Variants in CCDC134 observed in about 807,000 individuals in gnomAD.
CCDC134 encodes the protein coiled-coil domain containing 134.
A neutral mutation model predicts 25.6 loss-of-function variants in CCDC134; 27 were observed. That is an observed-to-expected ratio of 1.05 (90% CI 0.78 to 1.45). The LOEUF (loss-of-function observed/expected upper bound fraction) is 1.45, where lower values mean the gene tolerates loss of function less well. CCDC134 is among the 40% of genes most tolerant of loss of function. The probability of loss-of-function intolerance (pLI) is 0.00; values close to 1 mark genes in which losing one functional copy is unlikely to be tolerated. For synonymous variants in CCDC134, 110 were observed against 115.0 expected (o/e 0.96, Z 0.28); for missense variants, 261 against 286.7 (o/e 0.91, Z 0.65).
rs1032358151 is a variant in CCDC134 at position 41,831,738 on chromosome 22, C to T, written c.*5915C>T. 1 of 152,192 alleles carries T rather than the reference C, an allele frequency of 6.6e-6. No individual in the cohort carries two copies. Among genetic ancestry groups the T allele is most frequent in the Non-Finnish European group, 1.5e-5 (1 of 68,030 alleles). 9.4% of individuals were successfully genotyped at this position (152,192 alleles called of 1,614,324 possible). On this transcript the variant is annotated 3_prime_UTR_variant, in exon 7 of 7. Transcript: ENST00000255784. ...TAGTTTCATCACATCCATTACCTTT[C>T]CTTGATCACTTGTACCATCATCTGT...
At chr22:41,807,658 G>A (rs1371290311) in intron 1 of CCDC134, among the ~76,000 whole-genome samples, 4 of 152,080 alleles carry the variant, frequency 2.6e-5, no homozygotes, top group African/African-American at 9.7e-5. Context: ...AGGGGAGAAA[G>A]AGGAAGGGTG....
intron 1 of CCDC134, among the ~76,000 whole-genome samples, chr22:41,807,472 G>A (rs2076573757): frequency 6.6e-6 from 1 of 151,948 alleles, no homozygotes; most frequent in Non-Finnish European, 1.5e-5. Context: ...TGAGGTGGGA[G>A]GATGGCTTGA....
chr22:41,830,601 A>G lies in CCDC134; in HGVS notation c.*4778A>G, dbSNP rs991915702. Among the ~76,000 whole-genome samples, 3 of 152,214 alleles carry G rather than the reference A, an allele frequency of 2.0e-5. No individual in the cohort carries two copies. The highest frequency in any genetic ancestry group is 2.4e-5 in the African/African-American group (1 of 41,458). On this transcript the variant is annotated 3_prime_UTR_variant, in exon 7 of 7. Coordinates refer to ENST00000255784, the MANE Select transcript of CCDC134 (RefSeq NM_024821.5). ...GTGTCTTTCAGGGTGAGACTGGTGT[A>G]TTCTATACCAGCCTCCCTGTGTGTG...
chr22:41,819,200 T>C (rs2076637238), intron 6 of CCDC134, among the ~76,000 whole-genome samples: 1 of 152,310 alleles, frequency 6.6e-6, no homozygotes, highest in South Asian at 2.1e-4. Flanking sequence ...CTGCTTCTTA[T>C]GTACCCATCA....
At position 41,829,627 on chromosome 22, in the gene CCDC134, G is replaced by A. The variant is rs1349471203; in HGVS notation, c.*3804G>A. Among the ~76,000 whole-genome samples the A allele has an allele frequency of 6.6e-6, 1 of 152,112 alleles. No homozygotes were observed. Among genetic ancestry groups the A allele is most frequent in the Non-Finnish European group, 1.5e-5 (1 of 68,006 alleles). ...GAAGAGGAAGAAAAGGACAGGTGCT[G>A]TGGGAAAAAGGGGAAAGTGTCAGAG... On this transcript the variant is annotated 3_prime_UTR_variant, in exon 7 of 7. Coordinates refer to ENST00000255784, the MANE Select transcript of CCDC134 (RefSeq NM_024821.5).
intron 1 of CCDC134, among the ~76,000 whole-genome samples, chr22:41,807,709 A>G (rs1166020255): frequency 6.6e-6 from 1 of 152,210 alleles, no homozygotes; most frequent in Non-Finnish European, 1.5e-5. Context: ...CAGGAAAGTG[A>G]ACTTCACAGT....
chr22:41,824,715 T>G (rs8138849), intron 6 of CCDC134, among the ~76,000 whole-genome samples: 48,509 of 151,828 alleles, frequency 0.32, 11,808 homozygotes, highest in African/African-American at 0.66. Context: ...AGCCAAGATT[T>G]CACCACTGCA....
chr22:41,810,364 T>C, intron 4 of CCDC134, 73 bp downstream of exon 4: 1 of 1,396,408 alleles, frequency 7.2e-7, no homozygotes, highest in Non-Finnish European at 1.0e-6. Flanking sequence ...TCTCCTGTTC[T>C]TGTCACTCTT....
intron 1 of CCDC134, among the ~76,000 whole-genome samples, chr22:41,805,236 A>G (rs1037199223): frequency 2.6e-5 from 4 of 151,912 alleles, no homozygotes; most frequent in African/African-American, 9.7e-5. Context: ...TTCAAGATCA[A>G]CCTGGGAAAC....
At chr22:41,816,459 T>A (rs569835186) in intron 6 of CCDC134, among the ~76,000 whole-genome samples, 131 of 152,312 alleles carry the variant, frequency 8.6e-4, no homozygotes, top group Non-Finnish European at 1.5e-3. Flanking sequence ...TCCATGTGAG[T>A]TTTCCTATCA....
chr22:41,804,286 C>A (rs747444031), intron 1 of CCDC134, among the ~76,000 whole-genome samples: 1 of 152,160 alleles, frequency 6.6e-6, no homozygotes, highest in Non-Finnish European at 1.5e-5. Flanking sequence ...TGGTGAACTT[C>A]CTGTGTGACC....
intron 6 of CCDC134, among the ~76,000 whole-genome samples, chr22:41,817,092 A>G (rs530230298): frequency 2.2e-4 from 33 of 152,220 alleles, no homozygotes; most frequent in African/African-American, 7.5e-4. Flanking sequence ...CTTTACCCAC[A>G]TGGGCCACTG....
chr22:41,810,268 C>G lies in CCDC134; in HGVS notation c.287C>G (p.Pro96Arg), dbSNP rs2076588342. The G allele has an allele frequency of 6.8e-6, 11 of 1,614,034 alleles. No individual in the cohort carries two copies. The highest frequency in any genetic ancestry group is 9.3e-6 in the Non-Finnish European group (11 of 1,179,984). ...AADVLPDGPF[P>R]QDEKLKDAFS... ...GATGTGCTCCCAGATGGGCCCTTCC[C>G]CCAGGACGAGAAGCTGAAGGATGGT... Residue 96 changes from proline (P) to arginine (R), a missense_variant, in exon 4 of 7, where the codon CCC (proline) becomes CGC (arginine). Pro to Arg is a moderately radical substitution (Grantham distance 103). Transcript: ENST00000255784.
At position 41,805,973 on chromosome 22, in the gene CCDC134, T is replaced by C. The variant is rs1052830801; in HGVS notation, c.-16-2902T>C. Among the ~76,000 whole-genome samples, 6 of 152,184 alleles carry C rather than the reference T, an allele frequency of 3.9e-5. No homozygotes were observed. In the East Asian group the frequency reaches 1.2e-3, roughly 29 times the overall value. On this transcript the variant is annotated intron_variant, in intron 1 of 6. Transcript: ENST00000255784. ...TTATCTTCATCAGTTTTTAATTGAG[T>C]TCTGTTTGATTTTGATTAGAGATTT...
At chr22:41,807,623 C>A (rs181917921) in intron 1 of CCDC134, among the ~76,000 whole-genome samples, 4 of 151,712 alleles carry the variant, frequency 2.6e-5, no homozygotes, top group African/African-American at 4.8e-5. Flanking sequence ...ACCACCCCAG[C>A]CAAGTGAAAA....
At position 41,810,239 on chromosome 22, in the gene CCDC134, T is replaced by C. The variant is rs537418025; in HGVS notation, c.258T>C (p.Ala86=). ...VLEDSRTVLT[A]ADVLPDGPFP... The stretch of plus-strand genomic sequence containing the variant: ...AGGACTCCCGGACAGTGCTCACCGC[T>C]GCTGATGTGCTCCCAGATGGGCCCT... The change falls in exon 4 of 7, where the codon GCT becomes GCC. Residue 86 remains alanine, a synonymous_variant. Coordinates refer to ENST00000255784, the MANE Select transcript of CCDC134 (RefSeq NM_024821.5). 9.3e-6 allele frequency: 15 copies of C among 1,614,072 alleles called. No individual in the cohort carries two copies. The East Asian group carries it at 2.9e-4, about 31-fold the overall frequency.
At chr22:41,822,460 C>T (rs2076656808) in intron 6 of CCDC134, among the ~76,000 whole-genome samples, 1 of 152,140 alleles carries the variant, frequency 6.6e-6, no homozygotes, top group Non-Finnish European at 1.5e-5. Flanking sequence ...TGGCCATCAG[C>T]CTGCTGACCT....
intron 6 of CCDC134, among the ~76,000 whole-genome samples, chr22:41,815,561 G>A (rs1370780845): frequency 1.3e-5 from 2 of 152,116 alleles, no homozygotes; most frequent in African/African-American, 4.8e-5. Flanking sequence ...ACTGATAGAG[G>A]CTAGGACCAA....
intron 6 of CCDC134, among the ~76,000 whole-genome samples, chr22:41,821,176 G>A (rs1171360498): frequency 1.3e-5 from 2 of 152,138 alleles, no homozygotes; most frequent in Non-Finnish European, 2.9e-5. Flanking sequence ...GCTGGACTGA[G>A]TAATGTTGAG....
Sources: allele counts gnomAD v4.1 joint callset (sites outside exome capture counted in the v4.1 genomes callset), GRCh38; gene constraint gnomAD v4.1.1; transcripts MANE v1.5; gene names NCBI Gene and HGNC (gene_info 2026-07-23, HGNC 2026-07-21).